Variants in KCND3 observed in about 807,000 individuals in gnomAD.
KCND3 encodes the protein potassium voltage-gated channel subfamily D member 3.
In KCND3, 9 loss-of-function variants were observed where a neutral mutation model predicts 51.1. The observed-to-expected ratio is 0.18, with a 90% CI of 0.11 to 0.31. KCND3 has a LOEUF of 0.31. Ranked by LOEUF, KCND3 falls within the 10% of genes least tolerant of loss-of-function variation. The pLI, the probability that KCND3 is intolerant of heterozygous loss-of-function variation, is 1.00. For missense variants in KCND3, 526 were observed against 903.8 expected (o/e 0.58, Z 5.36); for synonymous variants, 349 against 368.0 (o/e 0.95, Z 0.59).
chr1:111,911,189 A>C (rs1208954403), intron 2 of KCND3, among the ~76,000 whole-genome samples: 1 of 152,204 alleles, frequency 6.6e-6, no homozygotes, highest in African/African-American at 2.4e-5. Flanking sequence ...AGTCTTTTGC[A>C]TGGCTACCAC....
chr1:111,866,075 T>C (rs1287877684), intron 2 of KCND3, among the ~76,000 whole-genome samples: 2 of 152,082 alleles, frequency 1.3e-5, no homozygotes, highest in Non-Finnish European at 2.9e-5. Context: ...TTAAATAAAA[T>C]ATTTTTCACT....
intron 2 of KCND3, among the ~76,000 whole-genome samples, chr1:111,850,177 C>A (rs1254546749): frequency 6.6e-6 from 1 of 152,184 alleles, no homozygotes; most frequent in East Asian, 1.9e-4. Context: ...CCAAAAATGT[C>A]ATTTTTCCTG....
chr1:111,864,121 C>T (rs1470454658), intron 2 of KCND3, among the ~76,000 whole-genome samples: 4 of 151,274 alleles, frequency 2.6e-5, no homozygotes, highest in Non-Finnish European at 5.9e-5. Context: ...TTGAGGGTGG[C>T]TGGTGTGGGG....
chr1:111,953,883 C>T (rs1219913362), intron 2 of KCND3, among the ~76,000 whole-genome samples: 4 of 152,182 alleles, frequency 2.6e-5, no homozygotes, highest in South Asian at 2.1e-4. Flanking sequence ...TCATTGAGGG[C>T]GTTTTCCCTC....
At chr1:111,874,347 G>T (rs947388093) in intron 2 of KCND3, among the ~76,000 whole-genome samples, 7 of 152,136 alleles carry the variant, frequency 4.6e-5, no homozygotes, top group African/African-American at 7.2e-5. Context: ...ATTCAAATAC[G>T]CTGTTCTTTC....
intron 2 of KCND3, among the ~76,000 whole-genome samples, chr1:111,890,970 C>A (rs1669794001): frequency 6.6e-6 from 1 of 152,078 alleles, no homozygotes; most frequent in South Asian, 2.1e-4. Flanking sequence ...GCAGGTGAAA[C>A]CCTGAGTGGG....
At chr1:111,877,608 G>T (rs144469078) in intron 2 of KCND3, among the ~76,000 whole-genome samples, 1 of 152,194 alleles carries the variant, frequency 6.6e-6, no homozygotes, top group East Asian at 1.9e-4. Context: ...TGCCACAAGG[G>T]TCAACAGCCA....
At position 111,876,417 on chromosome 1, in the gene KCND3, C is replaced by T. The variant is rs191460899; in HGVS notation, c.1107-89311G>A. 5.2e-4 allele frequency among the ~76,000 whole-genome samples: 79 copies of T among 152,334 alleles called. 1 individual carries two copies. The highest frequency in any genetic ancestry group is 1.9e-3 in the African/African-American group (77 of 41,566). ...CTGCAAGGTGGCTGTTCTGGCCCAG[C>T]CCAGTGAGTGGCTAATTCACCTCCG... On this transcript the variant is annotated intron_variant, in intron 2 of 7. Coordinates refer to ENST00000302127, the MANE Select transcript of KCND3 (RefSeq NM_001378969.1).
intron 2 of KCND3, among the ~76,000 whole-genome samples, chr1:111,800,919 A>G (rs1175638817): frequency 6.6e-6 from 1 of 152,226 alleles, no homozygotes; most frequent in South Asian, 2.1e-4. Context: ...ATCCCAGGAA[A>G]CTTCTAATTT....
At chr1:111,866,579 A>ACACACAC (rs1668581640) in intron 2 of KCND3, among the ~76,000 whole-genome samples, 3 of 126,744 alleles carry the variant, frequency 2.4e-5, no homozygotes, top group Admixed American at 8.2e-5. Context: ...TGTTTCTTTA[A>ACACACAC]ACACACACAC....
intron 2 of KCND3, among the ~76,000 whole-genome samples, chr1:111,878,408 C>T (rs1169588044): frequency 1.3e-5 from 2 of 152,254 alleles, no homozygotes; most frequent in Admixed American, 1.3e-4. Flanking sequence ...ACCCCAGCCT[C>T]CTCCTGTCCA....
At chr1:111,779,209 CA>C in intron 5 of KCND3, among the ~76,000 whole-genome samples, 1 of 152,204 alleles carries the variant, frequency 6.6e-6, no homozygotes, top group Admixed American at 6.5e-5. Flanking sequence ...CCTGTAGTTC[CA>C]ACTACTTGGG....
intron 2 of KCND3, among the ~76,000 whole-genome samples, chr1:111,869,827 G>A (rs867361080): frequency 1.3e-5 from 2 of 152,214 alleles, no homozygotes; most frequent in Non-Finnish European, 2.9e-5. Context: ...CAGCCAGTAA[G>A]TGGTGGATCC....
At chr1:111,873,723 C>T (rs1469704573) in intron 2 of KCND3, among the ~76,000 whole-genome samples, 1 of 152,072 alleles carries the variant, frequency 6.6e-6, no homozygotes, top group Non-Finnish European at 1.5e-5. Flanking sequence ...ATGCCTTCTC[C>T]CTCCCAGCTG....
chr1:111,915,607 G>T (rs1296906022), intron 2 of KCND3, among the ~76,000 whole-genome samples: 1 of 151,918 alleles, frequency 6.6e-6, no homozygotes, highest in Non-Finnish European at 1.5e-5. Flanking sequence ...CAAAAAATCA[G>T]CTGGGCGTGG....
intron 2 of KCND3, among the ~76,000 whole-genome samples, chr1:111,943,754 T>C (rs1423989620): frequency 6.6e-6 from 1 of 152,246 alleles, no homozygotes; most frequent in African/African-American, 2.4e-5. Context: ...TACAAGGTGC[T>C]TTCTCACAGT....
intron 2 of KCND3, among the ~76,000 whole-genome samples, chr1:111,855,949 G>C (rs1406283233): frequency 6.6e-6 from 1 of 152,138 alleles, no homozygotes; most frequent in Non-Finnish European, 1.5e-5. Flanking sequence ...CAACTATGGG[G>C]CAGAGCCAGT....
At chr1:111,892,303 T>G (rs1669869485) in intron 2 of KCND3, among the ~76,000 whole-genome samples, 1 of 152,198 alleles carries the variant, frequency 6.6e-6, no homozygotes, top group Non-Finnish European at 1.5e-5. Flanking sequence ...TTTCTCTCTC[T>G]CTGCTCCAAC....
At chr1:111,834,418 C>G (rs1198198985) in intron 2 of KCND3, among the ~76,000 whole-genome samples, 9 of 152,182 alleles carry the variant, frequency 5.9e-5, no homozygotes, top group Admixed American at 5.2e-4. Context: ...GATTTTCTCC[C>G]CATTCTCCAT....
Sources: gnomAD v4.1 joint callset for allele counts (sites outside exome capture counted in the v4.1 genomes callset) on GRCh38, gnomAD v4.1.1 for gene constraint, MANE v1.5 for transcripts, NCBI Gene and HGNC (gene_info 2026-07-23, HGNC 2026-07-21) for gene names.